PKHD1: variants seen among roughly 807,000 people sequenced by gnomAD.
The protein encoded by PKHD1 is fibrocystin.
In PKHD1, 291 loss-of-function variants were observed where a neutral mutation model predicts 412.0. The ratio of observed to expected loss-of-function variants is 0.71; its 90% CI spans 0.64 to 0.78. The LOEUF (loss-of-function observed/expected upper bound fraction) is 0.78. PKHD1 is among the 30% of genes least tolerant of loss of function. The pLI is 0.00. For synonymous variants in PKHD1, 1,777 were observed against 1,821.5 expected (o/e 0.98, Z 0.62); for missense variants, 4,825 against 4,950.7 (o/e 0.97, Z 0.76).
rs1179941901 is a variant in PKHD1 at position 52,028,148 on chromosome 6, C to T, written c.3560+8G>A. On this transcript the variant is annotated splice_region_variant and intron_variant, in intron 30 of 66. Transcript: ENST00000371117. ...CAAATCCAAAATTAATGCAAGTGGT[C>T]ACCTCACCCTTGTGAGTGAATGCTG... The T allele has an allele frequency of 4.3e-6, 7 of 1,612,742 alleles. No individual in the cohort carries two copies. The highest frequency in any genetic ancestry group is 5.1e-6 in the Non-Finnish European group (6 of 1,178,732).
At chr6:51,715,669 G>T (rs1781169702) in intron 60 of PKHD1, among the ~76,000 whole-genome samples, 1 of 152,138 alleles carries the variant, frequency 6.6e-6, no homozygotes, top group African/African-American at 2.4e-5. Flanking sequence ...AACATTAACA[G>T]AGTCAGTGCC....
At chr6:52,071,451 A>G (rs1810598576) in intron 8 of PKHD1, among the ~76,000 whole-genome samples, 1 of 151,978 alleles carries the variant, frequency 6.6e-6, no homozygotes, top group Admixed American at 6.6e-5. Context: ...GGAAGACTAC[A>G]CACAAGGGCA....
At chr6:51,626,405 G>C (rs1767249979) in intron 66 of PKHD1, among the ~76,000 whole-genome samples, 1 of 152,088 alleles carries the variant, frequency 6.6e-6, no homozygotes, top group African/African-American at 2.4e-5. Flanking sequence ...GTAGGACAAG[G>C]GCAAAGCATT....
intron 35 of PKHD1, among the ~76,000 whole-genome samples, chr6:51,982,622 A>G (rs1310454464): frequency 1.1e-3 from 157 of 148,430 alleles, no homozygotes; most frequent in Non-Finnish European, 1.3e-3. Context: ...CATGCTCGTC[A>G]AGAGTCATCA....
intron 22 of PKHD1, among the ~76,000 whole-genome samples, chr6:52,049,289 G>A (rs932096123): frequency 6.6e-6 from 1 of 152,160 alleles, no homozygotes; most frequent in African/African-American, 2.4e-5. Context: ...GTAACACAAT[G>A]CTACATATTT....
chr6:51,918,971 G>A lies in PKHD1; in HGVS notation c.6122-6395C>T, dbSNP rs376284322. ...TATTCATATCCTTCGCCCACTTTTTGATGGGGTTGTTTTTTCTTGTAAATT... is the reference window on the plus strand; with the variant it reads ...TATTCATATCCTTCGCCCACTTTTTAATGGGGTTGTTTTTTCTTGTAAATT... On this transcript the variant is annotated intron_variant, in intron 37 of 66. Coordinates refer to ENST00000371117, the MANE Select transcript of PKHD1 (RefSeq NM_138694.4). 3.9e-5 allele frequency among the ~76,000 whole-genome samples: 6 copies of A among 152,242 alleles called. No homozygotes were observed. In the South Asian group the frequency reaches 6.2e-4, roughly 16 times the overall value.
chr6:51,777,196 C>T (rs572002598), intron 53 of PKHD1, among the ~76,000 whole-genome samples: 2 of 152,202 alleles, frequency 1.3e-5, no homozygotes, highest in African/African-American at 4.8e-5. Flanking sequence ...TGGTTTTCAT[C>T]TTGGTTGCTG....
chr6:51,785,028 G>A (rs939158274), intron 53 of PKHD1, among the ~76,000 whole-genome samples: 3 of 151,986 alleles, frequency 2.0e-5, no homozygotes, highest in African/African-American at 7.2e-5. Context: ...CTATTTAATT[G>A]TCTGTTTCCC....
chr6:52,037,581 A>G (rs1241468512), intron 27 of PKHD1, among the ~76,000 whole-genome samples: 1 of 152,218 alleles, frequency 6.6e-6, no homozygotes, highest in Non-Finnish European at 1.5e-5. Context: ...ACACATGAAA[A>G]GATATTCAAT....
intron 36 of PKHD1, among the ~76,000 whole-genome samples, chr6:51,944,433 C>A (rs1289238183): frequency 6.6e-6 from 1 of 152,182 alleles, no homozygotes; most frequent in Non-Finnish European, 1.5e-5. Flanking sequence ...GTGAAAAACA[C>A]TAAGATTGGT....
chr6:51,973,163 G>GT (rs1793916794), intron 35 of PKHD1, among the ~76,000 whole-genome samples: 2 of 152,060 alleles, frequency 1.3e-5, no homozygotes, highest in African/African-American at 2.4e-5. Flanking sequence ...GTAAAGCTGG[G>GT]TTTTTTAAAA....
At chr6:51,866,671 A>C (rs1167783349) in intron 48 of PKHD1, among the ~76,000 whole-genome samples, 3 of 152,172 alleles carry the variant, frequency 2.0e-5, no homozygotes, top group Admixed American at 6.6e-5. Flanking sequence ...TTTTAAGTAC[A>C]CAAATCTATT....
Position 52,056,878 on chromosome 6 carries a change from G to A in PKHD1, c.1602+12C>T. Reference sequence around the variant, plus strand: ...CCACTCCCCTCCCTCATTTTTTGAAGAAGTCTCCCACCAGATGGGCTGTGG... The same window carrying A: ...CCACTCCCCTCCCTCATTTTTTGAAAAAGTCTCCCACCAGATGGGCTGTGG... On this transcript the variant is annotated intron_variant, in intron 17 of 66. Coordinates refer to ENST00000371117, the MANE Select transcript of PKHD1 (RefSeq NM_138694.4). 3 of 1,607,694 alleles carry A rather than the reference G, an allele frequency of 1.9e-6. No homozygotes were observed. The highest frequency in any genetic ancestry group is 2.6e-6 in the Non-Finnish European group (3 of 1,174,220).
chr6:51,684,296 G>A (rs1252851238), intron 60 of PKHD1, among the ~76,000 whole-genome samples: 1 of 152,076 alleles, frequency 6.6e-6, no homozygotes, highest in Non-Finnish European at 1.5e-5. Context: ...ACCTTCTTCA[G>A]GCTGAGATGT....
intron 60 of PKHD1, among the ~76,000 whole-genome samples, chr6:51,675,106 A>T (rs1281142572): frequency 6.6e-6 from 1 of 152,110 alleles, no homozygotes; most frequent in East Asian, 1.9e-4. Context: ...CGTGAGGCAA[A>T]AATAAAGCAC....
chr6:51,622,104 C>G (rs1766697082), intron 66 of PKHD1, among the ~76,000 whole-genome samples: 1 of 152,162 alleles, frequency 6.6e-6, no homozygotes, highest in African/African-American at 2.4e-5. Flanking sequence ...ACCTATATCT[C>G]TTCTCTATGG....
intron 41 of PKHD1, 119 bp from the exon 42 acceptor site, chr6:51,904,161 T>C: frequency 1.4e-6 from 1 of 721,838 alleles, no homozygotes; most frequent in South Asian, 1.5e-5. Context: ...TGTTTTTATC[T>C]GTAAATCAGG....
At chr6:51,730,685 T>TAA (rs1783133702) in intron 60 of PKHD1, among the ~76,000 whole-genome samples, 1 of 152,198 alleles carries the variant, frequency 6.6e-6, no homozygotes, top group South Asian at 2.1e-4. Context: ...TTCAGACCCA[T>TAA]AATATTGAGA....
chr6:52,064,938 C>T lies in PKHD1; in HGVS notation c.976+17G>A. The T allele has an allele frequency of 7.1e-7, 1 of 1,412,388 alleles. No homozygotes were observed. Among genetic ancestry groups the T allele is most frequent in the Non-Finnish European group, 9.9e-7 (1 of 1,012,910 alleles). The allele number at this position is 1,412,388 out of a possible 1,614,324, so 87.5% of individuals were successfully genotyped here. ...AGATATTCAGAGTTTATTGAACAGC[C>T]CTGGTGGCTTCCTTACCTGGCTGAG... On this transcript the variant is annotated intron_variant, in intron 13 of 66. Transcript: ENST00000371117.
Sources: allele counts gnomAD v4.1 joint callset (sites outside exome capture counted in the v4.1 genomes callset), GRCh38; gene constraint gnomAD v4.1.1; transcripts MANE v1.5; gene names NCBI Gene and HGNC (gene_info 2026-07-23, HGNC 2026-07-21).